PCDH9: variants seen among roughly 807,000 people sequenced by gnomAD.
PCDH9 encodes protocadherin-9.
In PCDH9, 24 loss-of-function variants were observed where a neutral mutation model predicts 70.6. That is an observed-to-expected ratio of 0.34 (90% CI 0.25 to 0.48). The LOEUF (loss-of-function observed/expected upper bound fraction) is 0.48, where lower values mean the gene tolerates loss of function less well. Ranked by LOEUF, PCDH9 falls within the 20% of genes least tolerant of loss-of-function variation. PCDH9 has a pLI of 0.99. For missense variants in PCDH9, 1,281 were observed against 1,503.6 expected, an observed-to-expected ratio of 0.85 and a Z score of 2.45; for synonymous variants, 562 against 558.5, an observed-to-expected ratio of 1.01 and a Z score of -0.09.
chr13:66,376,365 T>C (rs1956747016), intron 4 of PCDH9, among the ~76,000 whole-genome samples: 1 of 152,152 alleles, frequency 6.6e-6, no homozygotes, highest in South Asian at 2.1e-4. Context: ...GAGTTAAGTA[T>C]TTTTGTTTGT....
intron 2 of PCDH9, among the ~76,000 whole-genome samples, chr13:67,065,537 G>A (rs1027434843): frequency 4.6e-5 from 7 of 152,040 alleles, no homozygotes; most frequent in African/African-American, 1.7e-4. Context: ...AACCTGTAAT[G>A]GCTAAAAATT....
intron 4 of PCDH9, among the ~76,000 whole-genome samples, chr13:66,579,881 G>T (rs2076866387): frequency 1.3e-5 from 2 of 151,038 alleles, no homozygotes; most frequent in South Asian, 4.2e-4. Flanking sequence ...AATCTTCAAA[G>T]ACCCCTCACT....
intron 3 of PCDH9, among the ~76,000 whole-genome samples, chr13:66,819,741 A>T (rs1566215732): frequency 6.6e-6 from 1 of 152,188 alleles, no homozygotes; most frequent in East Asian, 1.9e-4. Flanking sequence ...AATGAAAATT[A>T]AAAAATTAGC....
chr13:66,802,817 A>C (rs2080348179), intron 3 of PCDH9, among the ~76,000 whole-genome samples: 1 of 152,118 alleles, frequency 6.6e-6, no homozygotes. Context: ...CAATTATTTC[A>C]GAGCAAGAGG....
At chr13:66,870,330 G>C (rs1350598851) in intron 3 of PCDH9, among the ~76,000 whole-genome samples, 1 of 152,088 alleles carries the variant, frequency 6.6e-6, no homozygotes, top group Non-Finnish European at 1.5e-5. Context: ...CTGTAGCCTT[G>C]TAGTATAGTT....
At chr13:66,895,307 C>T (rs1174339171) in intron 3 of PCDH9, among the ~76,000 whole-genome samples, 1 of 152,102 alleles carries the variant, frequency 6.6e-6, no homozygotes, top group African/African-American at 2.4e-5. Context: ...AGTTTTCAAT[C>T]TTCAAGGACT....
intron 2 of PCDH9, among the ~76,000 whole-genome samples, chr13:67,125,841 A>ATGTGTG (rs34815072): frequency 4.7e-5 from 7 of 150,074 alleles, no homozygotes; most frequent in South Asian, 2.1e-4. Flanking sequence ...GTATATATAT[A>ATGTGTG]TGTGTGTGTG....
In PCDH9 at chr13:66,601,397, T is replaced by A. The variant is rs2077163708; in HGVS notation, c.3340+29813A>T. Among the ~76,000 whole-genome samples the A allele has an allele frequency of 2.1e-5, 3 of 146,100 alleles. No individual in the cohort carries two copies. The South Asian group carries it at 6.6e-4, about 32-fold the overall frequency. On this transcript the variant is annotated intron_variant, in intron 4 of 4. Transcript: ENST00000377865. ...TAGAGAATTACATTGGCTACTTATA[T>A]ATGGTACAAGTGCAATTAGTTTGTT...
intron 2 of PCDH9, among the ~76,000 whole-genome samples, chr13:66,980,382 G>T (rs1342666482): frequency 3.9e-5 from 6 of 151,994 alleles, no homozygotes; most frequent in Non-Finnish European, 7.4e-5. Context: ...AAAGTATAAT[G>T]GGATTATGCA....
chr13:66,530,171 T>C (rs930084175), intron 4 of PCDH9, among the ~76,000 whole-genome samples: 2 of 152,094 alleles, frequency 1.3e-5, no homozygotes, highest in African/African-American at 4.8e-5. Context: ...CCTCCTACTT[T>C]TTTCTGATAT....
At chr13:66,511,544 G>A (rs904493935) in intron 4 of PCDH9, among the ~76,000 whole-genome samples, 3 of 152,002 alleles carry the variant, frequency 2.0e-5, no homozygotes, top group Non-Finnish European at 2.9e-5. Flanking sequence ...ATCAAGTCAT[G>A]ATAACTGATC....
At position 66,326,575 on chromosome 13, in the gene PCDH9, C is replaced by T. The variant is rs941702241; in HGVS notation, c.3341-21547G>A. 1.1e-4 allele frequency among the ~76,000 whole-genome samples: 17 copies of T among 152,080 alleles called. No homozygotes were observed. In the East Asian group the frequency reaches 2.7e-3, roughly 24 times the overall value. On this transcript the variant is annotated intron_variant, in intron 4 of 4. Coordinates refer to ENST00000377865, the MANE Select transcript of PCDH9 (RefSeq NM_203487.3). Reference sequence around the variant, plus strand: ...CTGGGACTACAGGCGCCCGCCACCACGCCCGGATGATTTTTTGTATTTTCA... The same window carrying T: ...CTGGGACTACAGGCGCCCGCCACCATGCCCGGATGATTTTTTGTATTTTCA...
At chr13:67,014,802 T>C (rs2084525655) in intron 2 of PCDH9, among the ~76,000 whole-genome samples, 1 of 152,128 alleles carries the variant, frequency 6.6e-6, no homozygotes, top group South Asian at 2.1e-4. Context: ...ATTTCTGTGC[T>C]TGTAAATAAC....
intron 2 of PCDH9, among the ~76,000 whole-genome samples, chr13:67,117,257 T>C (rs2086796424): frequency 6.6e-6 from 1 of 152,184 alleles, no homozygotes; most frequent in South Asian, 2.1e-4. Flanking sequence ...CCCAGCTGAA[T>C]TGAGCTATTG....
intron 4 of PCDH9, among the ~76,000 whole-genome samples, chr13:66,535,657 C>A (rs1960667241): frequency 6.6e-6 from 1 of 152,026 alleles, no homozygotes; most frequent in African/African-American, 2.4e-5. Context: ...TTCCCCTTTA[C>A]CAGCTAGAAA....
At chr13:66,952,133 T>A (rs2083192340) in intron 2 of PCDH9, among the ~76,000 whole-genome samples, 1 of 152,166 alleles carries the variant, frequency 6.6e-6, no homozygotes, top group South Asian at 2.1e-4. Flanking sequence ...TTTTGTACAG[T>A]CTAGTTTCCC....
chr13:66,849,511 TATATATAGAGAGAGAGAGAG>T (rs1447632563), intron 3 of PCDH9, among the ~76,000 whole-genome samples: 1 of 82,192 alleles, frequency 1.2e-5, no homozygotes, highest in African/African-American at 5.6e-5. Context: ...TATATATATA[TATATATAGAGAGAGAGAGAG>T]AGAGAGAGAG....
chr13:66,808,844 T>G (rs1302900912), intron 3 of PCDH9, among the ~76,000 whole-genome samples: 1 of 152,214 alleles, frequency 6.6e-6, no homozygotes, highest in Non-Finnish European at 1.5e-5. Context: ...CCACGATTAC[T>G]AAAAGCAGAT....
chr13:66,828,277 G>C (rs945978774), intron 3 of PCDH9, among the ~76,000 whole-genome samples: 1 of 152,126 alleles, frequency 6.6e-6, no homozygotes, highest in African/African-American at 2.4e-5. Context: ...TATGTGATAG[G>C]TAATTTTAAT....
Sources: allele counts gnomAD v4.1 joint callset (sites outside exome capture counted in the v4.1 genomes callset), GRCh38; gene constraint gnomAD v4.1.1; transcripts MANE v1.5; gene names NCBI Gene and HGNC (gene_info 2026-07-23, HGNC 2026-07-21).